KSR2: variants seen among roughly 807,000 people sequenced by gnomAD.
KSR2 encodes kinase suppressor of ras 2.
KSR2 carries 25 observed loss-of-function variants against 107.8 expected under a neutral mutation model. The ratio of observed to expected loss-of-function variants is 0.23; its 90% CI spans 0.17 to 0.32. The LOEUF is 0.32. KSR2 is among the 10% of genes least tolerant of loss of function. The pLI is 1.00. For missense variants in KSR2, 887 were observed against 1,268.9 expected (o/e 0.70, Z 4.57); for synonymous variants, 480 against 507.0 (o/e 0.95, Z 0.71).
intron 15 of KSR2, 79 bp from the exon 16 acceptor site, chr12:117,484,628 T>C (rs1388682656): frequency 5.4e-6 from 8 of 1,471,964 alleles, no homozygotes; most frequent in Non-Finnish European, 7.5e-6. Flanking sequence ...TTCACATTCC[T>C]TGTCCTGAAG....
At chr12:117,768,698 A>G (rs1889331673) in intron 3 of KSR2, among the ~76,000 whole-genome samples, 1 of 152,180 alleles carries the variant, frequency 6.6e-6, no homozygotes. Context: ...AGATAGAGAG[A>G]GGTGGAGTGA....
In KSR2 at chr12:117,454,261, A is replaced by C. The variant is rs1870485999; in HGVS notation, c.*12938T>G. 6.6e-6 allele frequency: 1 copy of C among 152,094 alleles called. No individual in the cohort carries two copies. The highest frequency in any genetic ancestry group is 1.5e-5 in the Non-Finnish European group (1 of 68,050). The allele number at this position is 152,094 out of a possible 1,614,324, so 9.4% of individuals were successfully genotyped here. ...TATTAAGTGCTCGTGGGTTGCACAAAGCTAAGAAAATTCAAGGAATACTCT... is the reference window on the plus strand; with the variant it reads ...TATTAAGTGCTCGTGGGTTGCACAACGCTAAGAAAATTCAAGGAATACTCT... On this transcript the variant is annotated 3_prime_UTR_variant, in exon 20 of 20. Transcript: ENST00000339824.
At chr12:117,497,727 C>T (rs1289864091) in intron 14 of KSR2, among the ~76,000 whole-genome samples, 1 of 152,170 alleles carries the variant, frequency 6.6e-6, no homozygotes, top group Non-Finnish European at 1.5e-5. Context: ...TGGCAAGTTA[C>T]CTAAAAGCTT....
intron 7 of KSR2, among the ~76,000 whole-genome samples, chr12:117,571,884 G>A (rs1878916053): frequency 1.3e-5 from 2 of 152,066 alleles, no homozygotes; most frequent in Non-Finnish European, 2.9e-5. Context: ...TCCTGTCCTT[G>A]GCAAACAACT....
intron 10 of KSR2, among the ~76,000 whole-genome samples, chr12:117,532,802 C>T (rs1592964165): frequency 6.6e-6 from 1 of 152,080 alleles, no homozygotes; most frequent in Non-Finnish European, 1.5e-5. Flanking sequence ...GCAGGGGACA[C>T]AGAGATTTGT....
At chr12:117,559,081 T>TGGAC (rs1278336875) in intron 7 of KSR2, among the ~76,000 whole-genome samples, 13 of 148,264 alleles carry the variant, frequency 8.8e-5, no homozygotes, top group Non-Finnish European at 1.9e-4. Context: ...GATGGATGGA[T>TGGAC]GGTGGATGGG....
intron 3 of KSR2, among the ~76,000 whole-genome samples, chr12:117,766,893 C>T (rs562185079): frequency 3.4e-5 from 3 of 88,272 alleles, no homozygotes; most frequent in African/African-American, 1.3e-4. Flanking sequence ...GGGGCGGGGG[C>T]GGGGTGGTGA....
At position 117,721,373 on chromosome 12, in the gene KSR2, T is replaced by C. The variant is rs560694030; in HGVS notation, c.986+39638A>G. On this transcript the variant is annotated intron_variant, in intron 4 of 19. Coordinates refer to ENST00000339824, the MANE Select transcript of KSR2 (RefSeq NM_173598.6). ...AGAAAGGGAAGGTCATTTACTTCCATAGTTGTAGAATAGTATAGAAGGCTA... is the reference window on the plus strand; with the variant it reads ...AGAAAGGGAAGGTCATTTACTTCCACAGTTGTAGAATAGTATAGAAGGCTA... Among the ~76,000 whole-genome samples, 5 of 152,336 alleles carry C rather than the reference T, an allele frequency of 3.3e-5. No individual in the cohort carries two copies. In the South Asian group the frequency reaches 6.2e-4, roughly 19 times the overall value.
intron 3 of KSR2, among the ~76,000 whole-genome samples, chr12:117,794,193 CACCATGCACACAT>C (rs1823504696): frequency 1.6e-5 from 2 of 126,930 alleles, no homozygotes; most frequent in African/African-American, 3.1e-5. Context: ...CATGCACACA[CACCATGCACACAT>C]ACACCAACAT....
At chr12:117,658,724 C>T (rs1177799599) in intron 5 of KSR2, among the ~76,000 whole-genome samples, 2 of 152,098 alleles carry the variant, frequency 1.3e-5, no homozygotes, top group African/African-American at 4.8e-5. Flanking sequence ...GATAGATGGG[C>T]AAGACGAGGC....
chr12:117,668,146 C>T (rs925311052), intron 4 of KSR2, among the ~76,000 whole-genome samples: 1 of 152,244 alleles, frequency 6.6e-6, no homozygotes, highest in Non-Finnish European at 1.5e-5. Context: ...CACTGCCCTT[C>T]CTCCATGTAA....
At chr12:117,542,924 C>T (rs1876609823) in intron 9 of KSR2, among the ~76,000 whole-genome samples, 1 of 152,150 alleles carries the variant, frequency 6.6e-6, no homozygotes. Context: ...TTGCAGGTAT[C>T]GATAGTTTCT....
In KSR2 at chr12:117,553,239, G is replaced by A. The variant is rs116439306; in HGVS notation, c.1518+1930C>T. On this transcript the variant is annotated intron_variant, in intron 9 of 19. Coordinates refer to ENST00000339824, the MANE Select transcript of KSR2 (RefSeq NM_173598.6). ...AAGGAGCCAGATGGTAAATGGCTTC[G>A]AGATAAAAATGGCGGGTGAGATAGC... is the stretch of plus-strand genomic sequence containing the variant. 8.3e-3 allele frequency among the ~76,000 whole-genome samples: 1,265 copies of A among 152,260 alleles called. 23 individuals are homozygous for A. Among genetic ancestry groups the A allele is most frequent in the African/African-American group, 0.028 (1,174 of 41,538 alleles).
chr12:117,687,002 T>C (rs1885600262), intron 4 of KSR2, among the ~76,000 whole-genome samples: 1 of 152,158 alleles, frequency 6.6e-6, no homozygotes, highest in South Asian at 2.1e-4. Context: ...CAGGGCTAGT[T>C]GCTTAACCTC....
chr12:117,807,466 A>G (rs1891049265), intron 3 of KSR2, among the ~76,000 whole-genome samples: 2 of 152,208 alleles, frequency 1.3e-5, no homozygotes, highest in African/African-American at 4.8e-5. Context: ...GAGAGACCCA[A>G]TGCTCTAATA....
intron 4 of KSR2, among the ~76,000 whole-genome samples, chr12:117,702,829 C>T (rs1438253653): frequency 6.6e-6 from 1 of 152,160 alleles, no homozygotes; most frequent in Non-Finnish European, 1.5e-5. Context: ...TTGAAAGCTC[C>T]GCTCTGGCTA....
chr12:117,777,334 C>T (rs972568263), intron 3 of KSR2, among the ~76,000 whole-genome samples: 3 of 151,942 alleles, frequency 2.0e-5, no homozygotes, highest in African/African-American at 4.8e-5. Flanking sequence ...AGCAGTTCAG[C>T]GCTATGCTTT....
chr12:117,469,606 G>C (rs1871320960), intron 19 of KSR2, 56 bp downstream of exon 19: 8 of 1,587,310 alleles, frequency 5.0e-6, no homozygotes, highest in Non-Finnish European at 6.9e-6. Context: ...GATCAAAAAG[G>C]TGACAAAGGG....
chr12:117,848,748 G>A (rs1327805688), intron 3 of KSR2, among the ~76,000 whole-genome samples: 1 of 152,106 alleles, frequency 6.6e-6, no homozygotes, highest in Non-Finnish European at 1.5e-5. Flanking sequence ...GGAGCCTGGT[G>A]ATGGTGATGG....
Sources: gnomAD v4.1 joint callset for allele counts (sites outside exome capture counted in the v4.1 genomes callset) on GRCh38, gnomAD v4.1.1 for gene constraint, MANE v1.5 for transcripts, NCBI Gene and HGNC (gene_info 2026-07-23, HGNC 2026-07-21) for gene names.